KLF13: variants seen among roughly 807,000 people sequenced by gnomAD.
The protein encoded by KLF13 is KLF transcription factor 13.
Under a neutral mutation model 16.7 loss-of-function variants are expected in KLF13, and 8 were observed. The ratio of observed to expected loss-of-function variants is 0.48; its 90% CI spans 0.28 to 0.87. The LOEUF is 0.87. KLF13 is among the 40% of genes least tolerant of loss of function. The pLI, the probability that KLF13 is intolerant of heterozygous loss-of-function variation, is 0.10. For synonymous variants in KLF13, 245 were observed against 208.4 expected (o/e 1.18, Z -1.51); for missense variants, 447 against 452.2 (o/e 0.99, Z 0.10).
rs1006815196 is a variant in KLF13 at position 31,376,676 on chromosome 15, C to T, written c.*4377C>T. 4 of 152,624 alleles carry T rather than the reference C, an allele frequency of 2.6e-5. No individual in the cohort carries two copies. Among genetic ancestry groups the T allele is most frequent in the African/African-American group, 9.7e-5 (4 of 41,434 alleles). 9.5% of individuals were successfully genotyped at this position (152,624 alleles called of 1,614,324 possible). ...TAGTCCACCTTACTACTGATACACG[C>T]CTGAGCACCCTTTAGGGCGAGGCGC... On this transcript the variant is annotated 3_prime_UTR_variant, in exon 2 of 2. Transcript: ENST00000307145.
chr15:31,372,604 C>G lies in KLF13; in HGVS notation c.*305C>G. On this transcript the variant is annotated 3_prime_UTR_variant, in exon 2 of 2. Coordinates refer to ENST00000307145, the MANE Select transcript of KLF13 (RefSeq NM_015995.4). The stretch of plus-strand genomic sequence containing the variant: ...GGACACCCCTTCCTGCCGCCTTACT[C>G]TGTACATAGATTTGCACTCTGGAGT... 2.5e-6 allele frequency: 1 copy of G among 406,948 alleles called. No homozygotes were observed. The highest frequency in any genetic ancestry group is 4.4e-6 in the Non-Finnish European group (1 of 229,646). The allele number at this position is 406,948 out of a possible 1,614,324, so 25.2% of individuals were successfully genotyped here.
intron 1 of KLF13, among the ~76,000 whole-genome samples, chr15:31,334,268 T>A (rs1376420568): frequency 2.0e-5 from 3 of 152,182 alleles, no homozygotes; most frequent in African/African-American, 7.2e-5. Context: ...TCAGCCCACC[T>A]GAATGCCGGC....
intron 2 of KLF13, among the ~76,000 whole-genome samples, chr15:31,395,876 G>A (rs1463415377): frequency 6.6e-6 from 1 of 152,248 alleles, no homozygotes; most frequent in Non-Finnish European, 1.5e-5. Flanking sequence ...GCTTGGTGGT[G>A]GAGCTGAGAT....
At chr15:31,349,592 C>T (rs1002742624) in intron 1 of KLF13, among the ~76,000 whole-genome samples, 2 of 152,240 alleles carry the variant, frequency 1.3e-5, no homozygotes, top group Non-Finnish European at 2.9e-5. Flanking sequence ...GCCCTGGCTG[C>T]ATGAGTGCAA....
At chr15:31,431,867 C>T (rs2040476395) in intron 1 of KLF13, among the ~76,000 whole-genome samples, 3 of 152,170 alleles carry the variant, frequency 2.0e-5, no homozygotes, top group South Asian at 2.1e-4. Flanking sequence ...CTTGCGGATG[C>T]GACCTTATCA....
At chr15:31,391,701 G>A (rs935448369), upstream of KLF13, among the ~76,000 whole-genome samples, 3 of 149,958 alleles carry the variant, frequency 2.0e-5, no homozygotes, top group South Asian at 2.1e-4. Flanking sequence ...CTGTGTGGGG[G>A]CTCTGTAGGG....
chr15:31,362,750 C>G (rs538104483), intron 1 of KLF13, among the ~76,000 whole-genome samples: 6 of 152,284 alleles, frequency 3.9e-5, no homozygotes, highest in Admixed American at 3.9e-4. Context: ...ATCTCTGTTC[C>G]TACTTTCCTA....
At chr15:31,364,728 G>C (rs2039439680) in intron 1 of KLF13, among the ~76,000 whole-genome samples, 3 of 152,266 alleles carry the variant, frequency 2.0e-5, no homozygotes, top group African/African-American at 7.2e-5. Context: ...CCAGCTGAAT[G>C]ACAGCTCACT....
chr15:31,346,418 C>A (rs192487496), intron 1 of KLF13, among the ~76,000 whole-genome samples: 1 of 152,312 alleles, frequency 6.6e-6, no homozygotes, highest in Admixed American at 6.5e-5. Flanking sequence ...ATGGACCCCC[C>A]ACCGCTGTTA....
At chr15:31,337,773 C>T (rs931792644) in intron 1 of KLF13, among the ~76,000 whole-genome samples, 2 of 152,230 alleles carry the variant, frequency 1.3e-5, no homozygotes, top group African/African-American at 4.8e-5. Flanking sequence ...TCTCGTCCCA[C>T]GTGGACTGTC....
chr15:31,351,631 T>C (rs2039218525), intron 1 of KLF13, among the ~76,000 whole-genome samples: 1 of 152,184 alleles, frequency 6.6e-6, no homozygotes. Flanking sequence ...AAAGGAAGGA[T>C]GAGTGTGCTA....
intron 1 of KLF13, among the ~76,000 whole-genome samples, chr15:31,368,429 A>G (rs1261354086): frequency 2.0e-5 from 3 of 152,214 alleles, no homozygotes; most frequent in Non-Finnish European, 4.4e-5. Flanking sequence ...TTTTCTGGAA[A>G]CGATAAACAG....
upstream of KLF13, among the ~76,000 whole-genome samples, chr15:31,387,991 A>T (rs2039812598): frequency 6.6e-6 from 1 of 152,234 alleles, no homozygotes. Context: ...TCAGCCGGAG[A>T]GGAGACAGGC....
At chr15:31,411,324 A>T (rs2040190473) in intron 1 of KLF13, among the ~76,000 whole-genome samples, 1 of 152,056 alleles carries the variant, frequency 6.6e-6, no homozygotes, top group Non-Finnish European at 1.5e-5. Flanking sequence ...TAGTGTGTGT[A>T]TCCCATGAAT....
At chr15:31,337,224 T>C (rs1013496439) in intron 1 of KLF13, among the ~76,000 whole-genome samples, 1 of 152,210 alleles carries the variant, frequency 6.6e-6, no homozygotes, top group African/African-American at 2.4e-5. Flanking sequence ...CTCCATCCCA[T>C]CGCTGAGGTC....
At chr15:31,328,149 A>G (rs2038754713) in intron 1 of KLF13, among the ~76,000 whole-genome samples, 1 of 149,252 alleles carries the variant, frequency 6.7e-6, no homozygotes, top group South Asian at 2.1e-4. Flanking sequence ...TGTGGACCGC[A>G]GGCGGCACTC....
In KLF13 at chr15:31,332,903, A is replaced by T. The variant is rs142751647; in HGVS notation, c.577+5114A>T. 3.9e-5 allele frequency among the ~76,000 whole-genome samples: 6 copies of T among 152,326 alleles called. No individual in the cohort carries two copies. The East Asian group carries it at 1.2e-3, about 29-fold the overall frequency. ...GGAACAAGCATGGGGCCATTTGTGG[A>T]GAGGCACATGTTTCTCCGCAGCAAT... On this transcript the variant is annotated intron_variant, in intron 1 of 1. Transcript: ENST00000307145.
At chr15:31,327,940 C>T (rs957284003) in intron 1 of KLF13, 151 bp downstream of exon 1, 2 of 947,218 alleles carry the variant, frequency 2.1e-6, no homozygotes, top group African/African-American at 1.8e-5. Flanking sequence ...CGCTCCGACC[C>T]GCGGCTGGCC....
At chr15:31,327,836 G>C (rs574895026) in intron 1 of KLF13, 47 bp downstream of exon 1, 10 of 1,369,766 alleles carry the variant, frequency 7.3e-6, no homozygotes, top group Middle Eastern at 2.3e-4. Context: ...CGGGGTCGGC[G>C]CGAGCTGCCC....
Sources: allele counts gnomAD v4.1 joint callset (sites outside exome capture counted in the v4.1 genomes callset), GRCh38; gene constraint gnomAD v4.1.1; transcripts MANE v1.5; gene names NCBI Gene and HGNC (gene_info 2026-07-23, HGNC 2026-07-21).